The following PADI1 variants were observed in gnomAD, a reference collection of about 807,000 sequenced individuals.
The protein encoded by PADI1 is peptidyl arginine deiminase 1, also known as protein-arginine deiminase type-1.
Under a neutral mutation model 74.8 loss-of-function variants are expected in PADI1, and 65 were observed. The observed-to-expected ratio is 0.87, with a 90% CI of 0.71 to 1.07. The LOEUF is 1.07. Ranked by LOEUF, PADI1 falls within the 50% of genes least tolerant of loss-of-function variation. The pLI is 0.00. For missense variants in PADI1, 943 were observed against 854.0 expected (o/e 1.10, Z -1.30); for synonymous variants, 371 against 336.2 (o/e 1.10, Z -1.13).
chr1:17,232,950 C>T lies in PADI1; in HGVS notation c.1293C>T (p.Leu431=). Residue 431 remains leucine (L), a synonymous_variant, in exon 11 of 16, where the codon CTC becomes CTT. Transcript: ENST00000375471. ...GGTEYPLGRI[L]IGSSFPKSGG... Reference sequence around the variant, plus strand: ...CGGAATACCCCCTGGGCCGGATCCTCATCGGGAGCAGCTTCCCCAAGTGAG... The same window carrying T: ...CGGAATACCCCCTGGGCCGGATCCTTATCGGGAGCAGCTTCCCCAAGTGAG... The T allele has an allele frequency of 6.2e-7, 1 of 1,608,202 alleles. No individual in the cohort carries two copies. Among genetic ancestry groups the T allele is most frequent in the Non-Finnish European group, 8.5e-7 (1 of 1,178,372 alleles).
At position 17,229,376 on chromosome 1, in the gene PADI1, G is replaced by A. The variant is rs1368563415; in HGVS notation, c.929+325G>A. Among the ~76,000 whole-genome samples the A allele has an allele frequency of 2.0e-5, 3 of 152,224 alleles. No homozygotes were observed. The East Asian group carries it at 5.8e-4, about 29-fold the overall frequency. Reference sequence around the variant, plus strand: ...CCAGGCCCTGCACAGGCTGCTGGTGGCCATCGGAGACCTACCCTCACTGTA... The same window carrying A: ...CCAGGCCCTGCACAGGCTGCTGGTGACCATCGGAGACCTACCCTCACTGTA... On this transcript the variant is annotated intron_variant, in intron 8 of 15. Coordinates refer to ENST00000375471, the MANE Select transcript of PADI1 (RefSeq NM_013358.3).
chr1:17,227,703 C>A (rs1300853352), intron 6 of PADI1, among the ~76,000 whole-genome samples: 1 of 152,190 alleles, frequency 6.6e-6, no homozygotes, highest in Non-Finnish European at 1.5e-5. Context: ...GTTGTTCCAG[C>A]TAAATGAGCC....
At chr1:17,238,340 C>G (rs1250609989) in intron 12 of PADI1, among the ~76,000 whole-genome samples, 11 of 152,244 alleles carry the variant, frequency 7.2e-5, no homozygotes, top group African/African-American at 2.2e-4. Context: ...CGACACCCAG[C>G]CCTGAATTGG....
rs370216377 is a variant in PADI1 at position 17,223,177 on chromosome 1, C to T, written c.274-444C>T. ...GATGACCCGGCTGGAGGGCTTGGCACGGATTCTGGACCACGCTAAAAGCTC... is the reference window on the plus strand; with the variant it reads ...GATGACCCGGCTGGAGGGCTTGGCATGGATTCTGGACCACGCTAAAAGCTC... On this transcript the variant is annotated intron_variant, in intron 2 of 15. Coordinates refer to ENST00000375471, the MANE Select transcript of PADI1 (RefSeq NM_013358.3). Among the ~76,000 whole-genome samples the T allele has an allele frequency of 1.1e-4, 17 of 152,114 alleles. No individual in the cohort carries two copies. The South Asian group carries it at 2.1e-3, about 19-fold the overall frequency.
intron 1 of PADI1, among the ~76,000 whole-genome samples, chr1:17,218,118 G>A (rs2072029206): frequency 6.6e-6 from 1 of 152,174 alleles, no homozygotes; most frequent in Admixed American, 6.5e-5. Flanking sequence ...AGGAAAGAAT[G>A]AGCAGATTGG....
intron 6 of PADI1, among the ~76,000 whole-genome samples, chr1:17,227,655 C>A (rs1254568019): frequency 1.3e-5 from 2 of 152,204 alleles, no homozygotes; most frequent in Non-Finnish European, 2.9e-5. Flanking sequence ...CTTCCCGATT[C>A]CCCTTCACCC....
At chr1:17,222,264 C>A in intron 1 of PADI1, 26 bp from the exon 2 acceptor site, 4 of 1,574,714 alleles carry the variant, frequency 2.5e-6, no homozygotes, top group Non-Finnish European at 3.5e-6. Flanking sequence ...AAGACTGGTT[C>A]TCTTCCCATC....
At chr1:17,227,530 CAAATAAATAAATAAATAAAT>C (rs56966982) in intron 6 of PADI1, among the ~76,000 whole-genome samples, 4,441 of 138,334 alleles carry the variant, frequency 0.032, 93 homozygotes, top group South Asian at 0.059. Context: ...GACCCTGTCT[CAAATAAATAAATAAATAAAT>C]AAATAAATAA....
Position 17,214,332 on chromosome 1 carries a change from C to T in PADI1, c.93-7958C>T, listed in dbSNP as rs144268353. ...GTGGGTCTTGAAGAATGCAAAAGAC[C>T]CCCCTGCCCCCCGCCCCATGACTTG... On this transcript the variant is annotated intron_variant, in intron 1 of 15. Coordinates refer to ENST00000375471, the MANE Select transcript of PADI1 (RefSeq NM_013358.3). Among the ~76,000 whole-genome samples, 1,157 of 152,108 alleles carry T rather than the reference C, an allele frequency of 7.6e-3. 7 individuals carry two copies. The highest frequency in any genetic ancestry group is 0.012 in the Admixed American group (183 of 15,268).
In PADI1 at chr1:17,240,759, T is replaced by G. The variant is rs1471763720; in HGVS notation, c.1757T>G (p.Met586Arg). The change falls in exon 15 of 16, where the codon ATG becomes AGG. Residue 586 changes from methionine to arginine, a missense_variant and splice_region_variant. By Grantham distance (91) the Met-to-Arg change is moderately conservative (BLOSUM62 -1). Transcript: ENST00000375471. ...NFYAEAFFPDMVNMVVLGKYL... is the reference protein window; with the variant it reads ...NFYAEAFFPDRVNMVVLGKYL... ...TACGCGGAAGCCTTCTTCCCAGACA[T>G]GGTGAGAGCCCTTGTGCAGGGTCCT... The G allele has an allele frequency of 1.2e-6, 2 of 1,613,460 alleles. No homozygotes were observed. The highest frequency in any genetic ancestry group is 2.7e-5 in the African/African-American group (2 of 74,912).
chr1:17,224,478 G>C, intron 4 of PADI1, 50 bp downstream of exon 4: 1 of 1,441,058 alleles, frequency 6.9e-7, no homozygotes, highest in Non-Finnish European at 9.7e-7. Context: ...AGGCAAACTT[G>C]GGGTGGTCCC....
Position 17,205,251 on chromosome 1 carries a change from A to C in PADI1, c.34A>C (p.Lys12Gln). 6.2e-7 allele frequency: 1 copy of C among 1,614,098 alleles called. No homozygotes were observed. Among genetic ancestry groups the C allele is most frequent in the South Asian group, 1.1e-5 (1 of 91,074 alleles). ...AAAGAGAGTTGTGCAGCTGTCCCTGAAGATGCCTACCCATGCCGTGTGTGT... is the reference window on the plus strand; with the variant it reads ...AAAGAGAGTTGTGCAGCTGTCCCTGCAGATGCCTACCCATGCCGTGTGTGT... ...APKRVVQLSL[K>Q]MPTHAVCVVG... Residue 12 changes from lysine to glutamine, a missense_variant, in exon 1 of 16, where the codon AAG becomes CAG. Coordinates refer to ENST00000375471, the MANE Select transcript of PADI1 (RefSeq NM_013358.3).
In PADI1 at chr1:17,232,907, C is replaced by G; in HGVS notation, c.1250C>G (p.Pro417Arg). 7 of 1,613,312 alleles carry G rather than the reference C, an allele frequency of 4.3e-6. No individual in the cohort carries two copies. The highest frequency in any genetic ancestry group is 5.9e-6 in the Non-Finnish European group (7 of 1,179,910). ...DSFGNLDVSP[P>R]VTVGGTEYPL... ...TTCGGCAACCTGGACGTCAGCCCGC[C>G]CGTCACGGTGGGCGGCACGGAATAC... The change falls in exon 11 of 16, where the codon CCC (proline) becomes CGC (arginine). Residue 417 changes from proline (P) to arginine (R), a missense_variant. By Grantham distance (103) the Pro-to-Arg change is moderately radical (BLOSUM62 -2). Coordinates refer to ENST00000375471, the MANE Select transcript of PADI1 (RefSeq NM_013358.3).
chr1:17,225,137 G>T (rs2100459240), intron 4 of PADI1, among the ~76,000 whole-genome samples: 1 of 152,348 alleles, frequency 6.6e-6, no homozygotes, highest in African/African-American at 2.4e-5. Context: ...AAGGCTAACA[G>T]TGGCCCTGTG....
chr1:17,221,246 T>C (rs1251232253), intron 1 of PADI1, among the ~76,000 whole-genome samples: 1 of 152,120 alleles, frequency 6.6e-6, no homozygotes, highest in Non-Finnish European at 1.5e-5. Context: ...ATTGGGCACC[T>C]ACACCTACCA....
At chr1:17,212,116 C>T (rs896048482) in intron 1 of PADI1, among the ~76,000 whole-genome samples, 10 of 152,214 alleles carry the variant, frequency 6.6e-5, no homozygotes, top group Non-Finnish European at 1.5e-4. Context: ...GCCAGTACCC[C>T]GGGACTATCA....
rs59052605 is a variant in PADI1, at chr1:17,227,235, C to CAA, written c.652+1091_652+1092dup. Among the ~76,000 whole-genome samples, 114 of 76,320 alleles carry CAA rather than the reference C, an allele frequency of 1.5e-3. 1 individual carries two copies. Among genetic ancestry groups the CAA allele is most frequent in the African/African-American group, 5.2e-3 (108 of 20,614 alleles). The allele number at this position is 76,320 out of a possible 152,430, so 50.1% of individuals were successfully genotyped here. A position where few individuals can be genotyped will look rare whatever the true frequency, so the allele number is the denominator to read the frequency against. On this transcript the variant is annotated intron_variant, in intron 6 of 15. Transcript: ENST00000375471. ...TGGGTGACAGTGCAAGACTTCATCT[C>CAA]AAAAAAAAAAAAAAAGAAAAAGAAA...
At chr1:17,209,766 A>G (rs528019884) in intron 1 of PADI1, among the ~76,000 whole-genome samples, 2 of 152,142 alleles carry the variant, frequency 1.3e-5, no homozygotes, top group Non-Finnish European at 2.9e-5. Flanking sequence ...GTCACTTAGC[A>G]TCTCTGAGCC....
intron 10 of PADI1, among the ~76,000 whole-genome samples, chr1:17,231,205 C>A (rs367679155): frequency 1.3e-5 from 2 of 152,200 alleles, no homozygotes; most frequent in Non-Finnish European, 2.9e-5. Flanking sequence ...CATGGCTTAC[C>A]TTATGTATTC....
Sources: gnomAD v4.1 joint callset for allele counts (sites outside exome capture counted in the v4.1 genomes callset) on GRCh38, gnomAD v4.1.1 for gene constraint, MANE v1.5 for transcripts, NCBI Gene and HGNC (gene_info 2026-07-23, HGNC 2026-07-21) for gene names.